Variants in NEGR1 observed in about 807,000 individuals in gnomAD.
The protein encoded by NEGR1 is neuronal growth regulator 1, also known as IgLON family member 4.
In NEGR1, 10 loss-of-function variants were observed where a neutral mutation model predicts 40.9. The ratio of observed to expected loss-of-function variants is 0.24; its 90% CI spans 0.15 to 0.42. NEGR1 has a LOEUF of 0.42. Ranked by LOEUF, NEGR1 falls within the 10% of genes least tolerant of loss-of-function variation. The pLI is 1.00. For synonymous variants in NEGR1, 185 were observed against 166.8 expected, an observed-to-expected ratio of 1.11 and a Z score of -0.84; for missense variants, 352 against 438.9, an observed-to-expected ratio of 0.80 and a Z score of 1.77.
At chr1:72,019,351 T>C (rs952178052) in intron 1 of NEGR1, among the ~76,000 whole-genome samples, 5 of 152,170 alleles carry the variant, frequency 3.3e-5, no homozygotes, top group Non-Finnish European at 7.4e-5. Context: ...CACTGCACAA[T>C]TATAAAATGC....
At chr1:71,955,361 T>C (rs1159530868) in intron 1 of NEGR1, among the ~76,000 whole-genome samples, 1 of 152,116 alleles carries the variant, frequency 6.6e-6, no homozygotes, top group Non-Finnish European at 1.5e-5. Flanking sequence ...TGGTAGTGGA[T>C]CAATTCTTGA....
chr1:72,057,050 G>T (rs1370059377), intron 1 of NEGR1, among the ~76,000 whole-genome samples: 1 of 151,506 alleles, frequency 6.6e-6, no homozygotes, highest in African/African-American at 2.4e-5. Context: ...CTCTGTTTTA[G>T]AAGCTCTTTC....
At chr1:71,639,909 T>C (rs1437327808) in intron 4 of NEGR1, among the ~76,000 whole-genome samples, 2 of 152,012 alleles carry the variant, frequency 1.3e-5, no homozygotes, top group African/African-American at 4.8e-5. Context: ...TAACACACAC[T>C]TCCTCCATTC....
At chr1:71,492,026 C>T (rs1217577587) in intron 6 of NEGR1, among the ~76,000 whole-genome samples, 1 of 152,012 alleles carries the variant, frequency 6.6e-6, no homozygotes, top group East Asian at 1.9e-4. Flanking sequence ...ACTTTTTGCC[C>T]TTCTAAGGTA....
At chr1:71,894,216 G>C (rs1660896106) in intron 2 of NEGR1, among the ~76,000 whole-genome samples, 1 of 140,252 alleles carries the variant, frequency 7.1e-6, no homozygotes, top group Non-Finnish European at 1.5e-5. Flanking sequence ...AAAACTTAAA[G>C]TATAATAATA....
intron 1 of NEGR1, among the ~76,000 whole-genome samples, chr1:71,981,053 A>T (rs1376167686): frequency 6.6e-6 from 1 of 152,180 alleles, no homozygotes; most frequent in Non-Finnish European, 1.5e-5. Context: ...CAAATGCTTA[A>T]TATTTTATCT....
intron 1 of NEGR1, among the ~76,000 whole-genome samples, chr1:72,061,411 T>G (rs1647170140): frequency 6.6e-6 from 1 of 151,742 alleles, no homozygotes; most frequent in African/African-American, 2.4e-5. Context: ...TTAATGGGAT[T>G]TTTTTCCAGA....
At chr1:71,426,313 C>T (rs959358935) in intron 6 of NEGR1, among the ~76,000 whole-genome samples, 2 of 152,058 alleles carry the variant, frequency 1.3e-5, no homozygotes, top group African/African-American at 4.8e-5. Flanking sequence ...TTTGTTGTTC[C>T]TGCCATGTAA....
At chr1:71,490,918 A>G (rs1004387847) in intron 6 of NEGR1, among the ~76,000 whole-genome samples, 2 of 151,942 alleles carry the variant, frequency 1.3e-5, no homozygotes, top group Non-Finnish European at 2.9e-5. Flanking sequence ...CTTTTTGCTT[A>G]AGCAACTTTG....
At chr1:71,834,416 A>G (rs1166502929) in intron 2 of NEGR1, among the ~76,000 whole-genome samples, 1 of 152,006 alleles carries the variant, frequency 6.6e-6, no homozygotes, top group Non-Finnish European at 1.5e-5. Context: ...ACCTGAAGAG[A>G]TATAAAGGTG....
At chr1:72,280,733 A>T (rs1570220808) in intron 1 of NEGR1, among the ~76,000 whole-genome samples, 1 of 152,346 alleles carries the variant, frequency 6.6e-6, no homozygotes, top group East Asian at 1.9e-4. Context: ...TTGAACTCAT[A>T]GGCATGTTCC....
At chr1:71,630,061 C>G (rs1650922472) in intron 4 of NEGR1, among the ~76,000 whole-genome samples, 1 of 151,820 alleles carries the variant, frequency 6.6e-6, no homozygotes, top group Non-Finnish European at 1.5e-5. Flanking sequence ...CTAAAAATTT[C>G]CCTGAAAATG....
chr1:72,216,406 T>TATATATATATATAC (rs1557582844), intron 1 of NEGR1, among the ~76,000 whole-genome samples: 32 of 146,342 alleles, frequency 2.2e-4, no homozygotes, highest in African/African-American at 7.7e-4. Flanking sequence ...TATATACATA[T>TATATATATATATAC]ATATATATAT....
chr1:71,952,308 A>G (rs565658154), intron 1 of NEGR1, among the ~76,000 whole-genome samples: 26 of 152,116 alleles, frequency 1.7e-4, no homozygotes, highest in African/African-American at 5.1e-4. Context: ...ATGAATGATA[A>G]GAAAGTTAAA....
chr1:71,510,779 A>G (rs943334359), intron 6 of NEGR1, among the ~76,000 whole-genome samples: 3 of 152,312 alleles, frequency 2.0e-5, no homozygotes, highest in East Asian at 1.9e-4. Flanking sequence ...TGGTCTTGCA[A>G]GACTGCTATT....
At chr1:71,829,678 C>A (rs1342118066) in intron 2 of NEGR1, among the ~76,000 whole-genome samples, 1 of 151,772 alleles carries the variant, frequency 6.6e-6, no homozygotes, top group African/African-American at 2.4e-5. Flanking sequence ...AACAAAAAAA[C>A]GTAAACAAAA....
intron 1 of NEGR1, among the ~76,000 whole-genome samples, chr1:72,120,462 C>A (rs985276997): frequency 6.6e-6 from 1 of 151,968 alleles, no homozygotes; most frequent in Non-Finnish European, 1.5e-5. Context: ...AAATATCCAT[C>A]CTATTAATGT....
chr1:72,191,247 T>A (rs2100429109), intron 1 of NEGR1, among the ~76,000 whole-genome samples: 1 of 151,902 alleles, frequency 6.6e-6, no homozygotes, highest in South Asian at 2.1e-4. Context: ...TATGTACATA[T>A]CATGAGAGTG....
intron 3 of NEGR1, among the ~76,000 whole-genome samples, chr1:71,745,774 C>T (rs1219093669): frequency 1.3e-5 from 2 of 152,310 alleles, no homozygotes; most frequent in East Asian, 3.9e-4. Context: ...CAGAGCAAGA[C>T]TATGTCAAAA....
Sources: allele counts gnomAD v4.1 joint callset (sites outside exome capture counted in the v4.1 genomes callset), GRCh38; gene constraint gnomAD v4.1.1; transcripts MANE v1.5; gene names NCBI Gene and HGNC (gene_info 2026-07-23, HGNC 2026-07-21).